INTS7: variants seen among roughly 807,000 people sequenced by gnomAD.
INTS7 encodes chromosome 1 open reading frame 73.
A neutral mutation model predicts 109.2 loss-of-function variants in INTS7; 46 were observed. That is an observed-to-expected ratio of 0.42 (90% CI 0.33 to 0.54). The LOEUF is 0.54. Among genes scored for constraint, INTS7 ranks in the 20% least tolerant of loss-of-function variants. The probability of loss-of-function intolerance (pLI) is 0.07; values close to 1 mark genes in which losing one functional copy is unlikely to be tolerated. For synonymous variants in INTS7, 412 were observed against 402.9 expected, an observed-to-expected ratio of 1.02 and a Z score of -0.27; for missense variants, 929 against 1,132.4, an observed-to-expected ratio of 0.82 and a Z score of 2.58.
chr1:211,946,951 G>A lies in INTS7; in HGVS notation c.2317-246C>T, dbSNP rs948579645. Among the ~76,000 whole-genome samples, 3 of 151,436 alleles carry A rather than the reference G, an allele frequency of 2.0e-5. No homozygotes were observed. The highest frequency in any genetic ancestry group is 4.2e-4 in the South Asian group (2 of 4,782). On this transcript the variant is annotated intron_variant, in intron 17 of 19. Coordinates refer to ENST00000366994, the MANE Select transcript of INTS7 (RefSeq NM_015434.4). The surrounding 1 kb of genome is among the most constrained non-coding windows in gnomAD (Gnocchi z 4.3). Reference sequence around the variant, plus strand: ...AGAAATGAGAAAATCCACAGTCCTCGAGGCCAAGCAATAGGCAAATTCCAC... The same window carrying A: ...AGAAATGAGAAAATCCACAGTCCTCAAGGCCAAGCAATAGGCAAATTCCAC...
intron 1 of INTS7, among the ~76,000 whole-genome samples, chr1:212,034,103 C>T (rs995394396): frequency 3.3e-5 from 5 of 151,630 alleles, no homozygotes; most frequent in Admixed American, 6.6e-5. Flanking sequence ...GAGAAAAACA[C>T]ATTTAGTATT....
At chr1:211,951,316 GT>G (rs200176989) in intron 17 of INTS7, among the ~76,000 whole-genome samples, 11 of 151,056 alleles carry the variant, frequency 7.3e-5, no homozygotes, top group Admixed American at 1.3e-4. Context: ...TGTTTGGTTG[GT>G]TTTTTTTTGA....
chr1:212,035,359 T>C lies in INTS7; in HGVS notation c.79A>G (p.Met27Val), dbSNP rs766734224. The part of the protein sequence containing the change: ...EQELDANSAL[M>V]ELDKGLRSGK... ...TTTCGAATACCTTTGTCCAATTCCA[T>C]AAGGGCAGAGTTGGCATCCAGTTCC... Residue 27 changes from methionine (M) to valine (V), a missense_variant, in exon 1 of 20, where the codon ATG becomes GTG. By Grantham distance (21) the Met-to-Val change is conservative. Around this residue, in one of 2 missense-constraint regions of INTS7, gnomAD observed 142 missense variants for 231.4 expected, o/e 0.61. Transcript: ENST00000366994. 6.2e-7 allele frequency: 1 copy of C among 1,611,786 alleles called. No individual in the cohort carries two copies. The highest frequency in any genetic ancestry group is 8.5e-7 in the Non-Finnish European group (1 of 1,177,898).
chr1:212,008,748 A>T (rs1299177969), intron 5 of INTS7, among the ~76,000 whole-genome samples: 1 of 152,170 alleles, frequency 6.6e-6, no homozygotes, highest in Admixed American at 6.5e-5. Flanking sequence ...TCACATCATT[A>T]TAGCTTCTTA....
intron 14 of INTS7, among the ~76,000 whole-genome samples, 195 bp downstream of exon 14, chr1:211,968,318 C>A (rs1664003499): frequency 2.0e-5 from 3 of 152,128 alleles, no homozygotes; most frequent in Non-Finnish European, 4.4e-5. Flanking sequence ...ATATGTAGCA[C>A]CCATTGAGAT....
chr1:211,969,559 T>C (rs1236563671), intron 13 of INTS7, among the ~76,000 whole-genome samples: 9 of 142,844 alleles, frequency 6.3e-5, no homozygotes, highest in African/African-American at 1.0e-4. Context: ...TTCTTTTTTT[T>C]TTTTTTTTTT....
intron 10 of INTS7, among the ~76,000 whole-genome samples, chr1:211,979,935 C>T (rs1198659952): frequency 1.3e-5 from 2 of 152,066 alleles, no homozygotes; most frequent in East Asian, 1.9e-4. Flanking sequence ...TATTGTGTTC[C>T]GCTTGGTATT....
intron 8 of INTS7, among the ~76,000 whole-genome samples, chr1:211,983,549 G>A (rs1664755528): frequency 6.6e-6 from 1 of 152,176 alleles, no homozygotes; most frequent in Admixed American, 6.5e-5. Flanking sequence ...AGTTATAACT[G>A]AATAAGCTTC....
chr1:212,022,988 G>C (rs1211492203), intron 1 of INTS7, among the ~76,000 whole-genome samples: 1 of 152,116 alleles, frequency 6.6e-6, no homozygotes, highest in Admixed American at 6.5e-5. Context: ...CCACTTATAA[G>C]TGAGAACCTA....
chr1:211,985,545 A>G (rs1664858337), intron 8 of INTS7, among the ~76,000 whole-genome samples: 1 of 152,228 alleles, frequency 6.6e-6, no homozygotes, highest in African/African-American at 2.4e-5. Context: ...CTAGCTTGAA[A>G]AGTGTTTAAG....
At chr1:211,982,596 G>A in intron 9 of INTS7, 80 bp downstream of exon 9, 1 of 1,130,080 alleles carries the variant, frequency 8.8e-7, no homozygotes, top group Non-Finnish European at 1.2e-6. Context: ...AAAAATAAGG[G>A]ATTAAAAAAA....
chr1:212,030,035 T>C (rs934749961), intron 1 of INTS7, among the ~76,000 whole-genome samples: 8 of 152,178 alleles, frequency 5.3e-5, no homozygotes, highest in Non-Finnish European at 1.5e-5. Flanking sequence ...AGTATGCACA[T>C]GAGAATACTA....
At chr1:211,978,623 A>C in intron 10 of INTS7, 112 bp from the exon 11 acceptor site, 1 of 1,136,176 alleles carries the variant, frequency 8.8e-7, no homozygotes. Context: ...GGTTTCTTGT[A>C]GGCATAACAT....
At chr1:211,992,141 T>C (rs771595739) in intron 7 of INTS7, among the ~76,000 whole-genome samples, 2 of 152,192 alleles carry the variant, frequency 1.3e-5, no homozygotes, top group Admixed American at 6.5e-5. Flanking sequence ...GTTACCTAAA[T>C]TGGCCTGCCT....
At chr1:211,943,424 AGAG>A (rs1662715705) in intron 19 of INTS7, among the ~76,000 whole-genome samples, 1 of 152,150 alleles carries the variant, frequency 6.6e-6, no homozygotes, top group South Asian at 2.1e-4. Flanking sequence ...TTCAAAGTGA[AGAG>A]AGAGTTGCAG....
At chr1:211,957,520 T>C (rs1255540819) in intron 16 of INTS7, among the ~76,000 whole-genome samples, 1 of 152,128 alleles carries the variant, frequency 6.6e-6, no homozygotes. Context: ...TACTCCAGCC[T>C]GGGCGACAGA....
At position 211,967,957 on chromosome 1, in the gene INTS7, G is replaced by T. The variant is rs372634693; in HGVS notation, c.2035C>A (p.Arg679=). 2 of 1,599,274 alleles carry T rather than the reference G, an allele frequency of 1.3e-6. No individual in the cohort carries two copies. The highest frequency in any genetic ancestry group is 1.7e-5 in the Admixed American group (1 of 58,552). ...TCTCCATATCGAGAAGCAAGGCTTC[G>T]AAATTCTTCCATGGACTGTTTCATC... ...NQMKQSMEEF[R]SLASRYGDLY... The change falls in exon 15 of 20, where the codon CGA becomes AGA. Residue 679 remains arginine, a synonymous_variant. Transcript: ENST00000366994.
At chr1:212,018,636 G>T (rs1013821207) in intron 3 of INTS7, among the ~76,000 whole-genome samples, 8 of 151,846 alleles carry the variant, frequency 5.3e-5, no homozygotes, top group African/African-American at 1.7e-4. Flanking sequence ...TATTCCTCTA[G>T]ATTTTTTTCT....
At chr1:212,020,885 G>A in intron 2 of INTS7, 198 bp downstream of exon 2, 1 of 593,132 alleles carries the variant, frequency 1.7e-6, no homozygotes, top group Non-Finnish European at 2.5e-6. Flanking sequence ...AAAGAAATAA[G>A]TATCGTCTAA....
Sources: gnomAD v4.1 joint callset for allele counts (sites outside exome capture counted in the v4.1 genomes callset) on GRCh38, gnomAD v4.1.1 for gene constraint, gnomAD v4.1.1 regional missense constraint, Gnocchi (gnomAD v3.1) non-coding constraint, MANE v1.5 for transcripts, NCBI Gene and HGNC (gene_info 2026-07-23, HGNC 2026-07-21) for gene names.